The following MYO16 variants were observed in gnomAD, a reference collection of about 807,000 sequenced individuals.
MYO16 encodes the protein unconventional myosin-XVI.
Under a neutral mutation model 205.3 loss-of-function variants are expected in MYO16, and 94 were observed. That is an observed-to-expected ratio of 0.46 (90% confidence interval 0.39 to 0.54). The LOEUF (loss-of-function observed/expected upper bound fraction) is 0.54, where lower values mean the gene tolerates loss of function less well. MYO16 is among the 20% of genes least tolerant of loss of function. MYO16 has a pLI of 0.00. For missense variants in MYO16, 2,315 were observed against 2,387.5 expected, an observed-to-expected ratio of 0.97 and a Z score of 0.63; for synonymous variants, 988 against 954.0, an observed-to-expected ratio of 1.04 and a Z score of -0.66.
chr13:108,953,826 A>G (rs937458026), intron 16 of MYO16, among the ~76,000 whole-genome samples: 1 of 152,216 alleles, frequency 6.6e-6, no homozygotes, highest in Non-Finnish European at 1.5e-5. Flanking sequence ...ATGCTTTTGA[A>G]TAGTGGGAGA....
chr13:108,651,744 A>G (rs748681051), intron 1 of MYO16, among the ~76,000 whole-genome samples: 3 of 152,180 alleles, frequency 2.0e-5, no homozygotes, highest in Non-Finnish European at 4.4e-5. Context: ...ATTTAGGTTT[A>G]TTTCTCTGTC....
the MYO16 span, among the ~76,000 whole-genome samples, chr13:108,553,927 T>C: frequency 6.6e-6 from 1 of 152,152 alleles, no homozygotes; most frequent in African/African-American, 2.4e-5. Context: ...GTTGGAAGCA[T>C]GTGCCTGTTC....
chr13:109,112,494 G>A (rs571903877), intron 28 of MYO16, among the ~76,000 whole-genome samples: 1 of 152,284 alleles, frequency 6.6e-6, no homozygotes, highest in South Asian at 2.1e-4. Flanking sequence ...GGTGGCTCAT[G>A]CCTATAATCC....
At chr13:109,050,465 C>T (rs974734215) in intron 24 of MYO16, among the ~76,000 whole-genome samples, 1 of 152,130 alleles carries the variant, frequency 6.6e-6, no homozygotes, top group African/African-American at 2.4e-5. Context: ...AGGCGGTGCT[C>T]TTCAGCTTTT....
chr13:108,657,416 A>T (rs1881292622), intron 1 of MYO16, among the ~76,000 whole-genome samples: 1 of 152,104 alleles, frequency 6.6e-6, no homozygotes, highest in African/African-American at 2.4e-5. Context: ...ATTACCTGTA[A>T]TTTTTTTAAT....
At chr13:108,689,409 C>T (rs576550031) in intron 2 of MYO16, among the ~76,000 whole-genome samples, 2 of 152,012 alleles carry the variant, frequency 1.3e-5, no homozygotes, top group Non-Finnish European at 2.9e-5. Context: ...CATATACAGA[C>T]ATTTTTAATC....
chr13:108,642,751 T>C (rs1424783254), intron 1 of MYO16, among the ~76,000 whole-genome samples: 1 of 152,174 alleles, frequency 6.6e-6, no homozygotes, highest in African/African-American at 2.4e-5. Flanking sequence ...CCCTCTGATT[T>C]ATAGTAAGTG....
chr13:108,919,340 C>T (rs1881640757), intron 16 of MYO16, among the ~76,000 whole-genome samples: 1 of 152,240 alleles, frequency 6.6e-6, no homozygotes, highest in Non-Finnish European at 1.5e-5. Flanking sequence ...GTCAGATTAA[C>T]ATATTTTGAA....
At chr13:109,080,126 C>T (rs1325920039) in intron 27 of MYO16, among the ~76,000 whole-genome samples, 3 of 152,156 alleles carry the variant, frequency 2.0e-5, no homozygotes, top group Non-Finnish European at 2.9e-5. Context: ...CCACCCACCT[C>T]AGCCTCCCAA....
chr13:108,948,882 A>ACTCACAC (rs1470443143), intron 16 of MYO16, among the ~76,000 whole-genome samples: 1 of 152,050 alleles, frequency 6.6e-6, no homozygotes, highest in African/African-American at 2.4e-5. Flanking sequence ...ACACACCCAC[A>ACTCACAC]CTCACACCTC....
At chr13:108,797,006 C>T (rs1886815980) in intron 6 of MYO16, among the ~76,000 whole-genome samples, 1 of 152,012 alleles carries the variant, frequency 6.6e-6, no homozygotes, top group Non-Finnish European at 1.5e-5. Context: ...GTTTAGGAGG[C>T]TTTTCCAGTA....
At chr13:108,771,206 G>A (rs1885952366) in intron 4 of MYO16, among the ~76,000 whole-genome samples, 1 of 152,104 alleles carries the variant, frequency 6.6e-6, no homozygotes, top group Admixed American at 6.6e-5. Context: ...GGGGGAGAGG[G>A]TAGTCCTCAC....
chr13:108,980,637 A>G (rs571213519), intron 20 of MYO16, among the ~76,000 whole-genome samples: 210 of 152,298 alleles, frequency 1.4e-3, no homozygotes, highest in Non-Finnish European at 2.4e-3. Flanking sequence ...TTTCTAATTG[A>G]GGAGGATGTG....
At chr13:109,035,657 G>A (rs574926003) in intron 23 of MYO16, among the ~76,000 whole-genome samples, 17 of 152,108 alleles carry the variant, frequency 1.1e-4, no homozygotes, top group African/African-American at 3.4e-4. Flanking sequence ...GCACTCCAGC[G>A]CGGGTGACAA....
rs1180288495 is a variant in MYO16, at chr13:109,007,122, C to T, written c.2443-1775C>T. On this transcript the variant is annotated intron_variant, in intron 21 of 34. Coordinates refer to ENST00000457511, the MANE Select transcript of MYO16 (RefSeq NM_001198950.3). The stretch of plus-strand genomic sequence containing the variant: ...GCACACTGCTAGCCAGGGGCGGTGG[C>T]TCATGCCTGTAATCCCAGCACTTTG... Among the ~76,000 whole-genome samples the T allele has an allele frequency of 5.3e-5, 8 of 152,284 alleles. No homozygotes were observed. The South Asian group carries it at 1.2e-3, about 24-fold the overall frequency.
chr13:108,835,198 T>A (rs1233138220), intron 9 of MYO16, among the ~76,000 whole-genome samples: 1 of 152,164 alleles, frequency 6.6e-6, no homozygotes, highest in African/African-American at 2.4e-5. Flanking sequence ...GGGAGGGACC[T>A]GGTGGGAGGT....
intron 29 of MYO16, among the ~76,000 whole-genome samples, chr13:109,122,192 C>G (rs185811245): frequency 2.0e-5 from 3 of 152,146 alleles, no homozygotes; most frequent in Non-Finnish European, 4.4e-5. Context: ...TTTAATCTAA[C>G]GCTAAAGACA....
At chr13:108,781,914 C>T (rs1886316275) in intron 4 of MYO16, among the ~76,000 whole-genome samples, 1 of 152,160 alleles carries the variant, frequency 6.6e-6, no homozygotes, top group Admixed American at 6.5e-5. Flanking sequence ...TGCCATGATT[C>T]TGACGCCTCC....
chr13:108,629,576 G>A, upstream of MYO16: 1 of 408,480 alleles, frequency 2.4e-6, no homozygotes, highest in Non-Finnish European at 4.5e-6. Context: ...GGTACTCGGG[G>A]CTGTGTCAAT....
Sources: allele counts gnomAD v4.1 joint callset (sites outside exome capture counted in the v4.1 genomes callset), GRCh38; gene constraint gnomAD v4.1.1; transcripts MANE v1.5; gene names NCBI Gene and HGNC (gene_info 2026-07-23, HGNC 2026-07-21).